Variants in PIK3C2G observed in about 807,000 individuals in gnomAD.
PIK3C2G encodes phosphatidylinositol 3-kinase C2 domain-containing subunit gamma.
A neutral mutation model predicts 181.1 loss-of-function variants in PIK3C2G; 168 were observed. The ratio of observed to expected loss-of-function variants is 0.93; its 90% CI spans 0.82 to 1.05. The LOEUF (loss-of-function observed/expected upper bound fraction) is 1.05, where lower values mean the gene tolerates loss of function less well. Ranked by LOEUF, PIK3C2G falls within the 50% of genes least tolerant of loss-of-function variation. PIK3C2G has a pLI of 0.00. For synonymous variants in PIK3C2G, 573 were observed against 592.2 expected, an observed-to-expected ratio of 0.97 and a Z score of 0.47; for missense variants, 1,869 against 1,732.8, an observed-to-expected ratio of 1.08 and a Z score of -1.40.
the PIK3C2G span, chr12:18,696,234 T>C: frequency 6.3e-7 from 1 of 1,592,874 alleles, no homozygotes. Flanking sequence ...ATTCTGGTAA[T>C]GAACTTCCTG....
At chr12:18,636,573 G>A (rs955472284) in intron 31 of PIK3C2G, among the ~76,000 whole-genome samples, 1 of 152,088 alleles carries the variant, frequency 6.6e-6, no homozygotes, top group African/African-American at 2.4e-5. Flanking sequence ...CATTTGCCAG[G>A]TCAATAGCTG....
intron 18 of PIK3C2G, among the ~76,000 whole-genome samples, chr12:18,458,983 C>T (rs923805449): frequency 6.6e-6 from 1 of 151,964 alleles, no homozygotes; most frequent in Non-Finnish European, 1.5e-5. Flanking sequence ...AAATATGAGT[C>T]TGGACAATAC....
intron 8 of PIK3C2G, among the ~76,000 whole-genome samples, chr12:18,332,913 G>A (rs907860794): frequency 6.6e-6 from 1 of 152,080 alleles, no homozygotes; most frequent in Admixed American, 6.6e-5. Context: ...TATTTTCCCC[G>A]AAAAGCTGGT....
At chr12:18,316,281 C>T (rs1950857024) in intron 6 of PIK3C2G, among the ~76,000 whole-genome samples, 1 of 152,004 alleles carries the variant, frequency 6.6e-6, no homozygotes, top group African/African-American at 2.4e-5. Flanking sequence ...GTAGCTGACT[C>T]CGTCAATATT....
At chr12:18,710,886 A>C in the PIK3C2G span, among the ~76,000 whole-genome samples, 1 of 152,130 alleles carries the variant, frequency 6.6e-6, no homozygotes, top group African/African-American at 2.4e-5. Context: ...AGGAAACAAC[A>C]GGTGCTGGAG....
intron 1 of PIK3C2G, among the ~76,000 whole-genome samples, chr12:18,264,453 C>G (rs911206540): frequency 5.3e-5 from 8 of 152,054 alleles, no homozygotes; most frequent in Non-Finnish European, 1.0e-4. Flanking sequence ...ATGGTAATGT[C>G]CTAGAGATAA....
intron 1 of PIK3C2G, among the ~76,000 whole-genome samples, chr12:18,249,610 T>C (rs1360195078): frequency 6.6e-6 from 1 of 152,120 alleles, no homozygotes; most frequent in African/African-American, 2.4e-5. Context: ...GTAATATCTA[T>C]CATGGGCAGG....
intron 11 of PIK3C2G, among the ~76,000 whole-genome samples, chr12:18,359,373 T>C (rs1372915796): frequency 6.6e-6 from 1 of 152,206 alleles, no homozygotes; most frequent in Non-Finnish European, 1.5e-5. Context: ...GCCTGGAGGG[T>C]GTTTCCTGTT....
chr12:18,569,767 A>G (rs1320034406), intron 29 of PIK3C2G, among the ~76,000 whole-genome samples: 1 of 152,116 alleles, frequency 6.6e-6, no homozygotes, highest in Non-Finnish European at 1.5e-5. Flanking sequence ...AATTTGGGCC[A>G]TTCTGGTTGG....
At chr12:18,513,516 G>A (rs1055712430) in intron 24 of PIK3C2G, among the ~76,000 whole-genome samples, 1 of 151,610 alleles carries the variant, frequency 6.6e-6, no homozygotes, top group Non-Finnish European at 1.5e-5. Flanking sequence ...TTCTGATTCA[G>A]TCTTGGTAGA....
chr12:18,391,426 T>A (rs1943526371), intron 15 of PIK3C2G, among the ~76,000 whole-genome samples, 174 bp downstream of exon 15: 1 of 152,176 alleles, frequency 6.6e-6, no homozygotes, highest in Non-Finnish European at 1.5e-5. Context: ...AAATAAGTAA[T>A]TTTGTCTGCT....
intron 8 of PIK3C2G, among the ~76,000 whole-genome samples, chr12:18,333,718 A>G (rs935463887): frequency 5.3e-5 from 8 of 152,324 alleles, no homozygotes; most frequent in Middle Eastern, 3.4e-3. Flanking sequence ...TGAACCTGGA[A>G]TGAACGGCAT....
intron 26 of PIK3C2G, among the ~76,000 whole-genome samples, chr12:18,558,409 A>G (rs949485167): frequency 6.6e-6 from 1 of 152,224 alleles, no homozygotes; most frequent in Admixed American, 6.5e-5. Context: ...ACTATGTACC[A>G]GTTACTATTA....
intron 9 of PIK3C2G, among the ~76,000 whole-genome samples, chr12:18,338,942 C>T (rs965029685): frequency 1.3e-5 from 2 of 152,008 alleles, no homozygotes; most frequent in Non-Finnish European, 2.9e-5. Flanking sequence ...CTCATGTATA[C>T]GAGTGTATAC....
At chr12:18,281,174 T>A (rs533233178) in intron 1 of PIK3C2G, among the ~76,000 whole-genome samples, 1 of 150,106 alleles carries the variant, frequency 6.7e-6, no homozygotes, top group South Asian at 2.1e-4. Context: ...GGATGGTAAT[T>A]TAAACCACAG....
At chr12:18,258,780 T>C (rs1488586723), upstream of PIK3C2G, among the ~76,000 whole-genome samples, 1 of 152,084 alleles carries the variant, frequency 6.6e-6, no homozygotes, top group Non-Finnish European at 1.5e-5. Context: ...TCAGGTTGTA[T>C]AAGACTTAGA....
At chr12:18,484,835 A>G (rs1166502101) in intron 18 of PIK3C2G, among the ~76,000 whole-genome samples, 1 of 152,162 alleles carries the variant, frequency 6.6e-6, no homozygotes, top group South Asian at 2.1e-4. Context: ...TATTTTAGTT[A>G]TTGAATTGTA....
intron 11 of PIK3C2G, among the ~76,000 whole-genome samples, chr12:18,350,863 G>A (rs1289521417): frequency 6.6e-6 from 1 of 152,056 alleles, no homozygotes; most frequent in Non-Finnish European, 1.5e-5. Flanking sequence ...GAGTTTGATG[G>A]GGCCAATATG....
chr12:18,720,849 A>T, the PIK3C2G span, among the ~76,000 whole-genome samples: 1 of 151,800 alleles, frequency 6.6e-6, no homozygotes, highest in Non-Finnish European at 1.5e-5. Context: ...ATGATACAAT[A>T]CTAAGCAGCC....
Sources: gnomAD v4.1 joint callset for allele counts (sites outside exome capture counted in the v4.1 genomes callset) on GRCh38, gnomAD v4.1.1 for gene constraint, MANE v1.5 for transcripts, NCBI Gene and HGNC (gene_info 2026-07-23, HGNC 2026-07-21) for gene names.